FERRY3: variants seen among roughly 807,000 people sequenced by gnomAD.
FERRY3 encodes protein C12orf4.
chr12:4,536,327 C>G, the FERRY3 span: 1 of 551,772 alleles, frequency 1.8e-6, no homozygotes, highest in Non-Finnish European at 2.8e-6. Context: ...GTCTATGAGC[C>G]AATTATTCTA....
the FERRY3 span, chr12:4,518,308 A>T: frequency 6.7e-7 from 1 of 1,501,878 alleles, no homozygotes; most frequent in Non-Finnish European, 9.2e-7. Context: ...CAGAAAGTCC[A>T]GTATAACAAG....
the FERRY3 span, among the ~76,000 whole-genome samples, chr12:4,490,762 C>A: frequency 2.6e-5 from 4 of 152,268 alleles, no homozygotes; most frequent in South Asian, 8.3e-4. Flanking sequence ...TTTGCAATTC[C>A]TAATTCTTCA....
the FERRY3 span, among the ~76,000 whole-genome samples, chr12:4,515,811 C>T: frequency 6.6e-6 from 1 of 152,092 alleles, no homozygotes; most frequent in African/African-American, 2.4e-5. Flanking sequence ...GTTCTCACCA[C>T]GGACACAGAA....
At chr12:4,524,139 A>T in the FERRY3 span, among the ~76,000 whole-genome samples, 1 of 152,142 alleles carries the variant, frequency 6.6e-6, no homozygotes, top group Non-Finnish European at 1.5e-5. Flanking sequence ...AGCTTCCTTA[A>T]ATCAGTGGCT....
chr12:4,491,034 T>TAATA, the FERRY3 span: 2 of 714,994 alleles, frequency 2.8e-6, no homozygotes, highest in Non-Finnish European at 4.8e-6. Context: ...AAAAGTCTAT[T>TAATA]ATGAAATATT....
the FERRY3 span, among the ~76,000 whole-genome samples, chr12:4,493,024 C>G: frequency 6.6e-6 from 1 of 152,138 alleles, no homozygotes; most frequent in South Asian, 2.1e-4. Context: ...TCTGTTTCTT[C>G]TACCTACAAT....
chr12:4,526,329 T>C, the FERRY3 span, among the ~76,000 whole-genome samples: 1 of 152,208 alleles, frequency 6.6e-6, no homozygotes, highest in African/African-American at 2.4e-5. Context: ...GAAAGTTTAA[T>C]GAGCTGTACA....
chr12:4,500,425 C>T, the FERRY3 span: 2 of 1,210,616 alleles, frequency 1.7e-6, no homozygotes, highest in African/African-American at 3.0e-5. Flanking sequence ...GTGTAATGGG[C>T]AATCAATGTG....
the FERRY3 span, chr12:4,491,350 G>C: frequency 1.2e-6 from 1 of 848,280 alleles, no homozygotes; most frequent in Non-Finnish European, 1.8e-6. Flanking sequence ...TTAGGTAACT[G>C]TTTGCTAATC....
At chr12:4,521,948 G>A in the FERRY3 span, among the ~76,000 whole-genome samples, 1 of 152,166 alleles carries the variant, frequency 6.6e-6, no homozygotes. Context: ...GAGGATTTTT[G>A]AGTAACAAAA....
the FERRY3 span, among the ~76,000 whole-genome samples, chr12:4,526,929 A>G: frequency 0.078 from 11,849 of 152,116 alleles, 641 homozygotes; most frequent in Non-Finnish European, 0.12. Flanking sequence ...CAAGTTACAC[A>G]TATATACATT....
chr12:4,508,939 C>G, the FERRY3 span: 1 of 153,344 alleles, frequency 6.5e-6, no homozygotes, highest in African/African-American at 2.4e-5. Context: ...CTCCGGTCTA[C>G]AGCTCCCAGC....
chr12:4,489,121 C>T, the FERRY3 span: 1 of 152,534 alleles, frequency 6.6e-6, no homozygotes, highest in African/African-American at 2.4e-5. Context: ...TGACATCAAG[C>T]TTGCAAAAAA....
At chr12:4,517,965 AT>A in the FERRY3 span, 55 of 1,167,598 alleles carry the variant, frequency 4.7e-5, 1 homozygote, top group African/African-American at 6.2e-4. Context: ...GGTGATTAAA[AT>A]TTTTTTTCAT....
the FERRY3 span, chr12:4,517,286 T>C: frequency 8.5e-7 from 1 of 1,179,140 alleles, no homozygotes; most frequent in Non-Finnish European, 1.1e-6. Context: ...AAAATAATAC[T>C]TATTTTTCTT....
the FERRY3 span, among the ~76,000 whole-genome samples, chr12:4,536,641 T>C: frequency 2.0e-5 from 3 of 151,856 alleles, no homozygotes; most frequent in African/African-American, 7.3e-5. Context: ...AACTTAGAGG[T>C]TGTGGTCATG....
chr12:4,496,899 G>T, the FERRY3 span, among the ~76,000 whole-genome samples: 1 of 152,132 alleles, frequency 6.6e-6, no homozygotes, highest in African/African-American at 2.4e-5. Context: ...CAGAAGATGA[G>T]AAATAGTTTG....
chr12:4,536,322 T>TAAATTTAAAGTAGGAAGTCAGTGCTTA, the FERRY3 span: 1 of 587,982 alleles, frequency 1.7e-6, no homozygotes, highest in Non-Finnish European at 2.6e-6. Context: ...ATTTTGTCTA[T>TAAATTTAAAGTAGGAAGTCAGTGCTTA]GAGCCAATTA....
the FERRY3 span, chr12:4,534,395 T>G: frequency 7.4e-7 from 1 of 1,360,148 alleles, no homozygotes. Context: ...TGAAATCTTA[T>G]TGTTAAATTT....
Sources: allele counts gnomAD v4.1 joint callset (sites outside exome capture counted in the v4.1 genomes callset), GRCh38; gene constraint gnomAD v4.1.1; transcripts MANE v1.5; gene names NCBI Gene and HGNC (gene_info 2026-07-23, HGNC 2026-07-21).